SIRPD: variants seen among roughly 807,000 people sequenced by gnomAD.
SIRPD encodes signal regulatory protein delta.
Under a neutral mutation model 18.0 loss-of-function variants are expected in SIRPD, and 21 were observed. That is an observed-to-expected ratio of 1.17 (90% CI 0.83 to 1.68). SIRPD has a LOEUF of 1.68. Ranked by LOEUF, SIRPD falls within the 40% of genes most tolerant of loss-of-function variation. The probability of loss-of-function intolerance (pLI) is 0.00; values close to 1 mark genes in which losing one functional copy is unlikely to be tolerated. For synonymous variants in SIRPD, 106 were observed against 92.9 expected (o/e 1.14, Z -0.81); for missense variants, 295 against 238.4 (o/e 1.24, Z -1.56).
At chr20:1,543,838 A>C (rs1354584331) in intron 2 of SIRPD, among the ~76,000 whole-genome samples, 1 of 152,090 alleles carries the variant, frequency 6.6e-6, no homozygotes, top group Non-Finnish European at 1.5e-5. Flanking sequence ...TGGTTTCAAA[A>C]ACTTATTTAT....
intron 2 of SIRPD, among the ~76,000 whole-genome samples, chr20:1,551,102 G>A (rs568236034): frequency 1.2e-4 from 19 of 152,296 alleles, no homozygotes; most frequent in Non-Finnish European, 2.6e-4. Flanking sequence ...GGCTTAGCAA[G>A]GAGATGTTTT....
At chr20:1,557,215 T>C (rs2091045346) in intron 1 of SIRPD, among the ~76,000 whole-genome samples, 1 of 152,054 alleles carries the variant, frequency 6.6e-6, no homozygotes, top group Non-Finnish European at 1.5e-5. Context: ...ATCGCACCAC[T>C]GCACTCCAGC....
chr20:1,556,090 G>A (rs2091040134), intron 1 of SIRPD, among the ~76,000 whole-genome samples: 1 of 152,132 alleles, frequency 6.6e-6, no homozygotes, highest in Non-Finnish European at 1.5e-5. Flanking sequence ...AAGGCCAGAA[G>A]TTGCAAAAAA....
At chr20:1,541,245 C>T in intron 2 of SIRPD, among the ~76,000 whole-genome samples, 1 of 152,280 alleles carries the variant, frequency 6.6e-6, no homozygotes, top group Middle Eastern at 3.4e-3. Context: ...GTAATTTACA[C>T]TCCCACCAAC....
At chr20:1,543,234 G>T (rs1481081350) in intron 2 of SIRPD, among the ~76,000 whole-genome samples, 1 of 152,168 alleles carries the variant, frequency 6.6e-6, no homozygotes, top group Non-Finnish European at 1.5e-5. Flanking sequence ...ACCTCTGGTA[G>T]AATTCGGCTG....
At chr20:1,555,139 A>C (rs2091034738) in intron 1 of SIRPD, among the ~76,000 whole-genome samples, 1 of 152,240 alleles carries the variant, frequency 6.6e-6, no homozygotes, top group Admixed American at 6.5e-5. Flanking sequence ...ATGCAGTAGA[A>C]TACTATTTAG....
chr20:1,547,627 A>G (rs1244893123), intron 2 of SIRPD, among the ~76,000 whole-genome samples: 1 of 152,168 alleles, frequency 6.6e-6, no homozygotes, highest in Non-Finnish European at 1.5e-5. Flanking sequence ...GCTATTCTGG[A>G]TCCTTCATAT....
chr20:1,542,398 C>T (rs1024991594), intron 2 of SIRPD, among the ~76,000 whole-genome samples: 2 of 152,208 alleles, frequency 1.3e-5, no homozygotes, highest in South Asian at 4.2e-4. Flanking sequence ...CTCTTAGTAG[C>T]AATTGTGAAT....
chr20:1,542,647 T>G (rs1325863801), intron 2 of SIRPD, among the ~76,000 whole-genome samples: 2 of 152,226 alleles, frequency 1.3e-5, no homozygotes, highest in Admixed American at 1.3e-4. Flanking sequence ...TCTTGCCTGA[T>G]TGCCCCAGCC....
rs1326786810 is a variant in SIRPD, at chr20:1,537,200, A to C, written c.532T>G (p.Tyr178Asp). 6.2e-7 allele frequency: 1 copy of C among 1,614,120 alleles called. No homozygotes were observed. The highest frequency in any genetic ancestry group is 2.2e-5 in the East Asian group (1 of 44,854). ...SALPERNSTN[Y>D]FVQPCCCLRL... ...AGGCAGCAGCAGGGTTGGACGAAAT[A>C]GTTTGTGCTGTTTCTCTCAGGCAGG... The change falls in exon 3 of 4, where the codon TAT becomes GAT. Residue 178 changes from tyrosine to aspartate, a missense_variant. Physicochemically the swap from Tyr to Asp is radical, Grantham distance 160. Transcript: ENST00000381623.
intron 2 of SIRPD, among the ~76,000 whole-genome samples, chr20:1,548,852 A>G (rs2091005873): frequency 6.6e-6 from 1 of 151,906 alleles, no homozygotes; most frequent in Non-Finnish European, 1.5e-5. Flanking sequence ...TTCCTTTTTC[A>G]GTCTCCGGTC....
At chr20:1,534,662 T>TA (rs1181980422) in intron 3 of SIRPD, among the ~76,000 whole-genome samples, 3 of 152,232 alleles carry the variant, frequency 2.0e-5, no homozygotes, top group African/African-American at 7.2e-5. Context: ...GTCATGATCT[T>TA]ATGATCTATG....
At chr20:1,549,182 G>T (rs532500259) in intron 2 of SIRPD, among the ~76,000 whole-genome samples, 1 of 151,816 alleles carries the variant, frequency 6.6e-6, no homozygotes, top group Non-Finnish European at 1.5e-5. Flanking sequence ...ATTTCCATTT[G>T]GTTCTTTTTA....
At chr20:1,540,704 C>CAGTT (rs1476365385) in intron 2 of SIRPD, among the ~76,000 whole-genome samples, 3 of 152,114 alleles carry the variant, frequency 2.0e-5, no homozygotes, top group Non-Finnish European at 4.4e-5. Flanking sequence ...GTTTGTTACA[C>CAGTT]AGTTATACAT....
chr20:1,551,995 CTG>C lies in SIRPD; in HGVS notation c.115_116del (p.Gln39AspfsTer43). ...VFHVQQTEMS[Q>X]TVSTGESIIL... Reference sequence around the variant, plus strand: ...TGATTGACTCCCCAGTTGATACAGTCTGTGACATCTCCGTTTGTTGCACATGG... The same window carrying C: ...TGATTGACTCCCCAGTTGATACAGTCTGACATCTCCGTTTGTTGCACATGG... On this transcript the variant is annotated frameshift_variant, in exon 2 of 4. Coordinates refer to ENST00000381623, the MANE Select transcript of SIRPD (RefSeq NM_178460.3). LOFTEE classifies it high-confidence loss of function. 4 of 1,614,026 alleles carry C rather than the reference CTG, an allele frequency of 2.5e-6. No individual in the cohort carries two copies. The highest frequency in any genetic ancestry group is 3.4e-6 in the Non-Finnish European group (4 of 1,179,952).
intron 2 of SIRPD, 52 bp from the exon 3 acceptor site, chr20:1,537,362 T>C (rs763532310): frequency 5.9e-5 from 93 of 1,569,856 alleles, no homozygotes; most frequent in Non-Finnish European, 7.1e-5. Context: ...GAAGTTACTA[T>C]GATGGGAGGA....
At chr20:1,540,123 T>C (rs1221723706) in intron 2 of SIRPD, 1 of 326,202 alleles carries the variant, frequency 3.1e-6, no homozygotes, top group Non-Finnish European at 6.1e-6. Context: ...GAAGGCAATG[T>C]GAAAATGGAA....
intron 2 of SIRPD, among the ~76,000 whole-genome samples, chr20:1,540,600 C>T (rs1231896486): frequency 2.6e-5 from 4 of 152,098 alleles, no homozygotes; most frequent in African/African-American, 9.7e-5. Context: ...TATAGATTTG[C>T]CTATTCTGAG....
chr20:1,557,482 A>G (rs1408622356), intron 1 of SIRPD, 99 bp downstream of exon 1: 2 of 1,090,130 alleles, frequency 1.8e-6, no homozygotes, highest in Non-Finnish European at 1.2e-6. Flanking sequence ...GATGGAGAAA[A>G]CCCTCCCAAA....
Sources: allele counts gnomAD v4.1 joint callset (sites outside exome capture counted in the v4.1 genomes callset), GRCh38; gene constraint gnomAD v4.1.1; transcripts MANE v1.5; gene names NCBI Gene and HGNC (gene_info 2026-07-23, HGNC 2026-07-21).